Variants in FAM83A observed in about 807,000 individuals in gnomAD.
The protein encoded by FAM83A is scaffolding CK1 anchoring protein A.
FAM83A carries 21 observed loss-of-function variants against 24.4 expected under a neutral mutation model. The ratio of observed to expected loss-of-function variants is 0.86; its 90% CI spans 0.61 to 1.24. The LOEUF is 1.24. Among genes scored for constraint, FAM83A ranks in the 50% most tolerant of loss-of-function variants. The pLI, the probability that FAM83A is intolerant of heterozygous loss-of-function variation, is 0.00. For missense variants in FAM83A, 617 were observed against 579.8 expected, an observed-to-expected ratio of 1.06 and a Z score of -0.66; for synonymous variants, 270 against 252.4, an observed-to-expected ratio of 1.07 and a Z score of -0.66.
chr8:123,192,086 A>T, intron 2 of FAM83A, 116 bp downstream of exon 2: 1 of 1,243,718 alleles, frequency 8.0e-7, no homozygotes, highest in Non-Finnish European at 1.1e-6. Flanking sequence ...ATAAAGGTTC[A>T]TTTCTTGCTC....
intron 1 of FAM83A, among the ~76,000 whole-genome samples, chr8:123,191,106 T>C (rs1823959831): frequency 6.6e-6 from 1 of 152,144 alleles, no homozygotes; most frequent in Admixed American, 6.5e-5. Flanking sequence ...CCACATTGAT[T>C]GTGGAGGGGA....
intron 1 of FAM83A, among the ~76,000 whole-genome samples, chr8:123,186,870 C>T (rs1193790223): frequency 1.3e-5 from 2 of 152,132 alleles, no homozygotes; most frequent in African/African-American, 2.4e-5. Context: ...GCCTAATGTG[C>T]CCCCACACCC....
intron 3 of FAM83A, among the ~76,000 whole-genome samples, chr8:123,203,164 G>C (rs1824416050): frequency 6.6e-6 from 1 of 151,480 alleles, no homozygotes; most frequent in Non-Finnish European, 1.5e-5. Flanking sequence ...GAATTTGAAT[G>C]TTGAAAATAA....
intron 1 of FAM83A, among the ~76,000 whole-genome samples, chr8:123,187,700 A>G (rs1252349957): frequency 6.6e-6 from 1 of 152,136 alleles, no homozygotes; most frequent in Non-Finnish European, 1.5e-5. Flanking sequence ...ATCAACAATA[A>G]TTTTTAGAGT....
exon 3 of FAM83A, chr8:123,194,046 A>G: frequency 3.1e-6 from 5 of 1,614,226 alleles, no homozygotes; most frequent in Non-Finnish European, 4.2e-6. Context: ...CGGAGTGTGG[A>G]AGGAGAGATA....
Position 123,209,251 on chromosome 8 carries a change from C to G in FAM83A, c.*1563C>G. 2 of 1,268,848 alleles carry G rather than the reference C, an allele frequency of 1.6e-6. No homozygotes were observed. The highest frequency in any genetic ancestry group is 2.0e-6 in the Non-Finnish European group (2 of 1,014,192). 78.6% of individuals were successfully genotyped at this position (1,268,848 alleles called of 1,614,324 possible). On this transcript the variant is annotated 3_prime_UTR_variant, in exon 4 of 4. Coordinates refer to ENST00000690554, the Ensembl canonical transcript of FAM83A. The surrounding 1 kb of genome is among the most constrained non-coding windows in gnomAD (Gnocchi z 4.7). ...GCACAGAGCTCTTCCTCCTGGTGGCCTCTGACCCCTGACGGCCTGTGGCAT... is the reference window on the plus strand; with the variant it reads ...GCACAGAGCTCTTCCTCCTGGTGGCGTCTGACCCCTGACGGCCTGTGGCAT...
intron 1 of FAM83A, among the ~76,000 whole-genome samples, chr8:123,186,900 A>G (rs1787010868): frequency 6.6e-6 from 1 of 152,208 alleles, no homozygotes; most frequent in South Asian, 2.1e-4. Context: ...GAGTGGACCA[A>G]GAGGGATCCT....
intron 3 of FAM83A, among the ~76,000 whole-genome samples, chr8:123,198,584 C>T (rs562238207): frequency 3.9e-5 from 6 of 152,268 alleles, no homozygotes; most frequent in Admixed American, 2.0e-4. Context: ...AGATAAACTT[C>T]CCTTTAACAC....
At chr8:123,194,229 G>A (rs1824070601) in intron 3 of FAM83A, 81 bp downstream of exon 3, 1 of 1,568,954 alleles carries the variant, frequency 6.4e-7, no homozygotes, top group Non-Finnish European at 8.7e-7. Flanking sequence ...CCGCTGCTCA[G>A]ACACAAACAC....
intron 3 of FAM83A, among the ~76,000 whole-genome samples, chr8:123,203,957 CAAA>C (rs1340124620): frequency 1.6e-4 from 8 of 50,616 alleles, no homozygotes; most frequent in Admixed American, 2.3e-4. Flanking sequence ...AACTCCAACT[CAAA>C]AAAAAAAAAA....
chr8:123,203,524 G>T (rs1824430161), intron 3 of FAM83A, among the ~76,000 whole-genome samples: 1 of 147,396 alleles, frequency 6.8e-6, no homozygotes. Flanking sequence ...GGAGGCAGAG[G>T]TTGCAGTGAG....
At position 123,187,422 on chromosome 8, in the gene FAM83A, C is replaced by T. The variant is rs61354203; in HGVS notation, c.480+4086C>T. On this transcript the variant is annotated intron_variant, in intron 1 of 3. Coordinates refer to ENST00000690554, the Ensembl canonical transcript of FAM83A. ...CCTTCGCAGCAGATTCACGCAGAAG[C>T]GGCTCTGACCAGGTGAAGGTGCGGA... is the stretch of plus-strand genomic sequence containing the variant. Among the ~76,000 whole-genome samples the T allele has an allele frequency of 9.2e-3, 1,404 of 152,270 alleles. 23 individuals are homozygous for T. Among genetic ancestry groups the T allele is most frequent in the African/African-American group, 0.032 (1,350 of 41,546 alleles).
intron 3 of FAM83A, among the ~76,000 whole-genome samples, chr8:123,198,595 C>T (rs1350934555): frequency 6.6e-6 from 1 of 152,112 alleles, no homozygotes; most frequent in African/African-American, 2.4e-5. Flanking sequence ...CCTTTAACAC[C>T]TTCAGGAAAA....
chr8:123,206,211 C>T (rs1458449495), intron 3 of FAM83A, among the ~76,000 whole-genome samples: 2 of 152,062 alleles, frequency 1.3e-5, no homozygotes, highest in Non-Finnish European at 2.9e-5. Flanking sequence ...TCCCTAAAAC[C>T]TGTAAGTGGT....
intron 3 of FAM83A, among the ~76,000 whole-genome samples, chr8:123,198,678 C>T (rs538549752): frequency 8.3e-4 from 126 of 152,348 alleles, no homozygotes; most frequent in African/African-American, 2.4e-3. Flanking sequence ...TATCATTTCA[C>T]TTTTAAACCA....
At chr8:123,193,166 G>A (rs570389307) in intron 2 of FAM83A, among the ~76,000 whole-genome samples, 3 of 152,174 alleles carry the variant, frequency 2.0e-5, no homozygotes, top group Admixed American at 6.5e-5. Flanking sequence ...GGAAGACAAG[G>A]GATAAATAGA....
chr8:123,208,057 A>G (rs1433992461), exon 4 of FAM83A: 30 of 1,056,062 alleles, frequency 2.8e-5, no homozygotes, highest in Non-Finnish European at 3.1e-5. Flanking sequence ...ACAAATGGGT[A>G]AACAGAGGCA....
chr8:123,189,945 T>TCA (rs1823915551), intron 1 of FAM83A, among the ~76,000 whole-genome samples: 1 of 152,226 alleles, frequency 6.6e-6, no homozygotes, highest in African/African-American at 2.4e-5. Context: ...ACATGACTGT[T>TCA]AGTTTTTGCT....
intron 3 of FAM83A, among the ~76,000 whole-genome samples, chr8:123,200,863 T>C (rs949592760): frequency 3.3e-5 from 5 of 150,830 alleles, no homozygotes; most frequent in African/African-American, 1.2e-4. Context: ...GCTGAGGCAG[T>C]AGAATTGCTT....
Sources: gnomAD v4.1 joint callset for allele counts (sites outside exome capture counted in the v4.1 genomes callset) on GRCh38, gnomAD v4.1.1 for gene constraint, Gnocchi (gnomAD v3.1) non-coding constraint, MANE v1.5 for transcripts, NCBI Gene and HGNC (gene_info 2026-07-23, HGNC 2026-07-21) for gene names.